ATIC: variants seen among roughly 807,000 people sequenced by gnomAD.
The protein encoded by ATIC is 5-aminoimidazole-4-carboxamide ribonucleotide formyltransferase/IMP cyclohydrolase, also known as bifunctional purine biosynthesis protein ATIC.
ATIC carries 64 observed loss-of-function variants against 72.5 expected under a neutral mutation model. The ratio of observed to expected loss-of-function variants is 0.88; its 90% CI spans 0.72 to 1.09. ATIC has a LOEUF of 1.09. ATIC is among the 50% of genes least tolerant of loss of function. The pLI is 0.00. For synonymous variants in ATIC, 281 were observed against 267.1 expected, an observed-to-expected ratio of 1.05 and a Z score of -0.51; for missense variants, 787 against 732.4, an observed-to-expected ratio of 1.07 and a Z score of -0.86.
At chr2:215,316,469 GAGGA>G (rs999981217) in intron 2 of ATIC, among the ~76,000 whole-genome samples, 2 of 152,134 alleles carry the variant, frequency 1.3e-5, no homozygotes, top group African/African-American at 2.4e-5. Flanking sequence ...CAGCTACTTG[GAGGA>G]TTACTTAATA....
intron 14 of ATIC, chr2:215,347,178 G>A: frequency 1.9e-6 from 1 of 535,408 alleles, no homozygotes; most frequent in Non-Finnish European, 3.3e-6. Flanking sequence ...TTTTTAAATT[G>A]CAGCCTTGGT....
At chr2:215,366,004 G>GA in the ATIC span, among the ~76,000 whole-genome samples, 3 of 132,812 alleles carry the variant, frequency 2.3e-5, no homozygotes, top group Non-Finnish European at 4.7e-5. Flanking sequence ...TTTTTGTAGA[G>GA]ATGGGGTTTT....
At chr2:215,361,645 G>A in the ATIC span, 473 of 1,579,014 alleles carry the variant, frequency 3.0e-4, 2 homozygotes, top group African/African-American at 5.8e-3. Flanking sequence ...AAGGAAGAAG[G>A]AAAAAAAAAT....
At chr2:215,341,900 C>T (rs1203471165) in intron 12 of ATIC, among the ~76,000 whole-genome samples, 1 of 152,124 alleles carries the variant, frequency 6.6e-6, no homozygotes, top group Non-Finnish European at 1.5e-5. Context: ...AATTGACTCA[C>T]AGTTCCACAC....
chr2:215,367,863 T>C, the ATIC span: 3 of 1,613,950 alleles, frequency 1.9e-6, no homozygotes, highest in Non-Finnish European at 2.5e-6. Context: ...AACTACTCAC[T>C]AGATGAATCA....
At chr2:215,334,879 A>G in intron 9 of ATIC, 40 bp from the exon 10 acceptor site, 3 of 1,497,572 alleles carry the variant, frequency 2.0e-6, no homozygotes, top group Non-Finnish European at 9.3e-7. Flanking sequence ...CTGTATCAGG[A>G]TACTTTGTGA....
Position 215,325,278 on chromosome 2 carries a change from G to A in ATIC, c.328G>A (p.Val110Met). 1 of 1,613,960 alleles carries A rather than the reference G, an allele frequency of 6.2e-7. No individual in the cohort carries two copies. Among genetic ancestry groups the A allele is most frequent in the Non-Finnish European group, 8.5e-7 (1 of 1,179,870 alleles). Reference sequence around the variant, plus strand: ...CAATCTCTATCCCTTTGTAAAGACAGTGGCTTCTCCAGGTGTAACTGTTGA... The same window carrying A: ...CAATCTCTATCCCTTTGTAAAGACAATGGCTTCTCCAGGTGTAACTGTTGA... ...ACNLYPFVKT[V>M]ASPGVTVEEA... is the part of the protein sequence containing the mutation. Residue 110 changes from valine to methionine, a missense_variant, in exon 5 of 16, where the codon GTG becomes ATG. Physicochemically the swap from Val to Met is conservative, Grantham distance 21. Coordinates refer to ENST00000236959, the MANE Select transcript of ATIC (RefSeq NM_004044.7).
the ATIC span, chr2:215,363,773 A>G: frequency 4.6e-5 from 7 of 152,162 alleles, no homozygotes; most frequent in African/African-American, 1.2e-4. Flanking sequence ...TGAGTTACAC[A>G]TAATTTCATT....
intron 4 of ATIC, 99 bp downstream of exon 4, chr2:215,319,830 T>C (rs1178442659): frequency 8.3e-6 from 8 of 962,722 alleles, no homozygotes; most frequent in African/African-American, 1.6e-5. Flanking sequence ...TATAAACCTT[T>C]ACTGCGTACC....
At chr2:215,342,291 A>G (rs945398176) in intron 12 of ATIC, among the ~76,000 whole-genome samples, 5 of 152,268 alleles carry the variant, frequency 3.3e-5, no homozygotes, top group African/African-American at 7.2e-5. Context: ...GATAAAAGAT[A>G]TATAACATTA....
chr2:215,364,716 A>G, the ATIC span: 2 of 665,392 alleles, frequency 3.0e-6, no homozygotes, highest in South Asian at 1.6e-5. Context: ...GTAGACATAG[A>G]GCTGCTCTAG....
At chr2:215,361,860 T>A in the ATIC span, 5 of 1,401,352 alleles carry the variant, frequency 3.6e-6, no homozygotes, top group Non-Finnish European at 4.9e-6. Context: ...ATTTATGAGT[T>A]GTTTTTTTTT....
At chr2:215,340,512 T>G (rs1344750401) in intron 12 of ATIC, among the ~76,000 whole-genome samples, 2 of 152,188 alleles carry the variant, frequency 1.3e-5, no homozygotes, top group African/African-American at 4.8e-5. Context: ...TTTTATTGAG[T>G]GCTAGGCATT....
intron 12 of ATIC, among the ~76,000 whole-genome samples, chr2:215,341,175 A>G (rs964849879): frequency 1.3e-5 from 2 of 152,190 alleles, no homozygotes; most frequent in African/African-American, 2.4e-5. Flanking sequence ...TTTCATTTCT[A>G]TCTTTGACAA....
At chr2:215,342,272 G>A (rs535511320) in intron 12 of ATIC, among the ~76,000 whole-genome samples, 40 of 152,132 alleles carry the variant, frequency 2.6e-4, no homozygotes, top group Admixed American at 1.7e-3. Flanking sequence ...GACTCAAATA[G>A]CAGATAAAGA....
At chr2:215,313,754 A>G (rs2052680324) in intron 2 of ATIC, among the ~76,000 whole-genome samples, 1 of 152,156 alleles carries the variant, frequency 6.6e-6, no homozygotes, top group Non-Finnish European at 1.5e-5. Context: ...TCAGATGGTA[A>G]GAATGCCTTA....
chr2:215,355,080 A>G, the ATIC span, among the ~76,000 whole-genome samples: 131,677 of 151,962 alleles, frequency 0.87, 57,713 homozygotes, highest in East Asian at 1. Context: ...CAAAAAAAGC[A>G]GTGTCCTGCC....
intron 9 of ATIC, 152 bp downstream of exon 9, chr2:215,333,609 A>T (rs2052919790): frequency 1.8e-6 from 1 of 541,706 alleles, no homozygotes; most frequent in Admixed American, 3.4e-5. Context: ...ATGTAAATAT[A>T]CAGTTATTCT....
Position 215,348,995 on chromosome 2 carries a change from A to T in ATIC, c.1504-99A>T, listed in dbSNP as rs893837242. On this transcript the variant is annotated intron_variant, in intron 14 of 15. Coordinates refer to ENST00000236959, the MANE Select transcript of ATIC (RefSeq NM_004044.7). ...AATAATAATAATAAAAACAAGTCCTAAGAAAAATGCCCAGGTGCTTTCTGG... is the reference window on the plus strand; with the variant it reads ...AATAATAATAATAAAAACAAGTCCTTAGAAAAATGCCCAGGTGCTTTCTGG... The T allele has an allele frequency of 2.5e-6, 3 of 1,186,418 alleles. No homozygotes were observed. In the African/African-American group the frequency reaches 4.7e-5, roughly 18 times the overall value. 73.5% of individuals were successfully genotyped at this position (1,186,418 alleles called of 1,614,324 possible). A position where few individuals can be genotyped will look rare whatever the true frequency, so the allele number is the denominator to read the frequency against.
Sources: gnomAD v4.1 joint callset for allele counts (sites outside exome capture counted in the v4.1 genomes callset) on GRCh38, gnomAD v4.1.1 for gene constraint, MANE v1.5 for transcripts, NCBI Gene and HGNC (gene_info 2026-07-23, HGNC 2026-07-21) for gene names.